The following PCBP3 variants were observed in gnomAD, a reference collection of about 807,000 sequenced individuals.
PCBP3 encodes poly(rC) binding protein 3.
PCBP3 carries 25 observed loss-of-function variants against 52.7 expected under a neutral mutation model. The observed-to-expected ratio is 0.47, with a 90% CI of 0.35 to 0.66. The LOEUF (loss-of-function observed/expected upper bound fraction) is 0.66. Among genes scored for constraint, PCBP3 ranks in the 30% least tolerant of loss-of-function variants. The probability of loss-of-function intolerance (pLI) is 0.01; values close to 1 mark genes in which losing one functional copy is unlikely to be tolerated. For missense variants in PCBP3, 391 were observed against 490.3 expected, an observed-to-expected ratio of 0.80 and a Z score of 1.91; for synonymous variants, 162 against 183.0, an observed-to-expected ratio of 0.89 and a Z score of 0.93.
chr21:45,878,754 T>C (rs1267627595), intron 5 of PCBP3, among the ~76,000 whole-genome samples: 1 of 152,202 alleles, frequency 6.6e-6, no homozygotes, highest in African/African-American at 2.4e-5. Flanking sequence ...TACGACAATA[T>C]TCAAACAGAC....
intron 1 of PCBP3, among the ~76,000 whole-genome samples, chr21:45,659,159 T>C (rs1170725381): frequency 6.6e-6 from 1 of 151,898 alleles, no homozygotes; most frequent in Non-Finnish European, 1.5e-5. Flanking sequence ...ATTTGTTTTT[T>C]TCTTTCTTCC....
At position 45,941,749 on chromosome 21, in the gene PCBP3, C is replaced by G; in HGVS notation, c.*43C>G. ...CCCCCGCGTCACCCACCTGCCAGAG[C>G]CTAAGGCCCCCGGCTCTCGCACTCT... On this transcript the variant is annotated 3_prime_UTR_variant, in exon 18 of 18. Transcript: ENST00000681687. 6.4e-7 allele frequency: 1 copy of G among 1,553,238 alleles called. No individual in the cohort carries two copies. The highest frequency in any genetic ancestry group is 1.2e-5 in the South Asian group (1 of 85,176).
intron 12 of PCBP3, chr21:45,916,061 T>C (rs540431109): frequency 1.3e-5 from 2 of 152,440 alleles, no homozygotes; most frequent in South Asian, 4.1e-4. Flanking sequence ...CCACCGCGTT[T>C]CTAGCACGAC....
intron 5 of PCBP3, among the ~76,000 whole-genome samples, chr21:45,874,278 T>G (rs1569404106): frequency 6.6e-6 from 1 of 152,248 alleles, no homozygotes; most frequent in Non-Finnish European, 1.5e-5. Context: ...AAAATCAGCT[T>G]GTCTATGGAA....
intron 5 of PCBP3, 86 bp downstream of exon 5, chr21:45,850,181 C>A: frequency 1.8e-6 from 2 of 1,106,148 alleles, no homozygotes; most frequent in Non-Finnish European, 2.7e-6. Context: ...CAAATGAAAT[C>A]TGTTTGAAGT....
intron 4 of PCBP3, chr21:45,760,399 A>T (rs934248847): frequency 6.6e-6 from 1 of 152,240 alleles, no homozygotes; most frequent in Non-Finnish European, 1.5e-5. Flanking sequence ...TTCTATGGAA[A>T]GTCCGAGCTC....
chr21:45,799,765 C>G (rs1437647184), intron 4 of PCBP3, among the ~76,000 whole-genome samples: 2 of 152,146 alleles, frequency 1.3e-5, no homozygotes, highest in Admixed American at 6.5e-5. Flanking sequence ...GGGAACTGGG[C>G]TTTGTTTTAG....
At chr21:45,895,702 C>CT (rs2095806488) in intron 5 of PCBP3, among the ~76,000 whole-genome samples, 1 of 152,224 alleles carries the variant, frequency 6.6e-6, no homozygotes, top group African/African-American at 2.4e-5. Flanking sequence ...TTGATGGAGA[C>CT]TAAGTCATAT....
intron 5 of PCBP3, chr21:45,893,936 A>T: frequency 2.0e-6 from 2 of 985,316 alleles, no homozygotes; most frequent in Non-Finnish European, 2.4e-6. Context: ...CACTGGGCAG[A>T]TGGCCAGTGT....
intron 5 of PCBP3, among the ~76,000 whole-genome samples, chr21:45,889,259 G>A (rs1033298958): frequency 3.9e-5 from 6 of 152,168 alleles, no homozygotes; most frequent in Admixed American, 6.5e-5. Context: ...CCGAGCTGCC[G>A]TCAGCAGCTG....
In PCBP3 at chr21:45,781,650, G is replaced by A. The variant is rs375929599; in HGVS notation, c.-126+26198G>A. ...AGGTATTTCCCCAAGAGTAGTGAAA[G>A]CATATTTCCATACACCTTTGAACAG... On this transcript the variant is annotated intron_variant, in intron 4 of 17. Transcript: ENST00000681687. Among the ~76,000 whole-genome samples, 65 of 152,280 alleles carry A rather than the reference G, an allele frequency of 4.3e-4. 1 individual carries two copies. The South Asian group carries it at 0.013, about 31-fold the overall frequency.
intron 13 of PCBP3, among the ~76,000 whole-genome samples, chr21:45,919,771 C>T (rs2074139463): frequency 6.6e-6 from 1 of 152,228 alleles, no homozygotes; most frequent in Admixed American, 6.5e-5. Context: ...ACTGTTGGGG[C>T]TGCCCCAGCC....
intron 1 of PCBP3, among the ~76,000 whole-genome samples, chr21:45,665,021 T>G (rs1003319169): frequency 6.6e-6 from 1 of 152,112 alleles, no homozygotes; most frequent in African/African-American, 2.4e-5. Context: ...TTAAATGTAT[T>G]CCTAGGTATT....
In PCBP3 at chr21:45,774,089, C is replaced by T. The variant is rs930614337; in HGVS notation, c.-126+18637C>T. Among the ~76,000 whole-genome samples the T allele has an allele frequency of 3.9e-5, 6 of 152,242 alleles. No individual in the cohort carries two copies. The South Asian group carries it at 6.2e-4, about 16-fold the overall frequency. ...TGTTGATTTTGTATCCTGCAACTTA[C>T]TGAATTCATTTATCGCATCTAAAAG... On this transcript the variant is annotated intron_variant, in intron 4 of 17. Transcript: ENST00000681687.
chr21:45,891,821 C>T (rs543849711), intron 5 of PCBP3, among the ~76,000 whole-genome samples: 3 of 152,324 alleles, frequency 2.0e-5, no homozygotes, highest in African/African-American at 7.2e-5. Flanking sequence ...GCGCCTCCTC[C>T]CCTGGCCCGG....
intron 4 of PCBP3, among the ~76,000 whole-genome samples, chr21:45,826,270 AAAATT>A (rs2093305810): frequency 1.3e-5 from 2 of 152,120 alleles, no homozygotes; most frequent in Admixed American, 6.5e-5. Flanking sequence ...AAAAAAAAAA[AAAATT>A]AAATTAAATA....
chr21:45,792,611 G>A (rs2091680622), intron 4 of PCBP3, among the ~76,000 whole-genome samples: 1 of 152,246 alleles, frequency 6.6e-6, no homozygotes, highest in African/African-American at 2.4e-5. Flanking sequence ...AATTCATGAT[G>A]TGCTAGGAGA....
At chr21:45,649,903 G>GTTTCTCAAA (rs2079567094) in intron 1 of PCBP3, among the ~76,000 whole-genome samples, 1 of 151,728 alleles carries the variant, frequency 6.6e-6, no homozygotes, top group Non-Finnish European at 1.5e-5. Flanking sequence ...TTCTCAAATG[G>GTTTCTCAAA]TTTTCTATAC....
At chr21:45,857,888 G>A (rs1480592407) in intron 5 of PCBP3, among the ~76,000 whole-genome samples, 2 of 152,180 alleles carry the variant, frequency 1.3e-5, no homozygotes, top group East Asian at 3.9e-4. Context: ...AAACAGGGCT[G>A]CCCCCCAGGG....
Sources: allele counts gnomAD v4.1 joint callset (sites outside exome capture counted in the v4.1 genomes callset), GRCh38; gene constraint gnomAD v4.1.1; transcripts MANE v1.5; gene names NCBI Gene and HGNC (gene_info 2026-07-23, HGNC 2026-07-21).